The following SUCLG2 variants were observed in gnomAD, a reference collection of about 807,000 sequenced individuals.
SUCLG2 encodes the protein succinate-CoA ligase GDP-forming subunit beta, also known as succinate--CoA ligase [GDP-forming] subunit beta, mitochondrial.
In SUCLG2, 42 loss-of-function variants were observed where a neutral mutation model predicts 47.9. That is an observed-to-expected ratio of 0.88 (90% CI 0.69 to 1.14). SUCLG2 has a LOEUF of 1.14. Among genes scored for constraint, SUCLG2 ranks in the 50% most tolerant of loss-of-function variants. The probability of loss-of-function intolerance (pLI) is 0.00; values close to 1 mark genes in which losing one functional copy is unlikely to be tolerated. For missense variants in SUCLG2, 571 were observed against 525.9 expected (o/e 1.09, Z -0.84); for synonymous variants, 195 against 197.3 (o/e 0.99, Z 0.10).
At chr3:67,621,079 C>T (rs1486022404) in intron 1 of SUCLG2, among the ~76,000 whole-genome samples, 1 of 152,134 alleles carries the variant, frequency 6.6e-6, no homozygotes, top group Non-Finnish European at 1.5e-5. Context: ...GCTTTGAGGC[C>T]AGGTGGACTC....
At chr3:67,609,390 G>C in intron 2 of SUCLG2, 65 bp downstream of exon 2, 1 of 1,543,578 alleles carries the variant, frequency 6.5e-7, no homozygotes, top group Non-Finnish European at 8.8e-7. Flanking sequence ...TAACTAGTGG[G>C]AAGCCACTAC....
intron 2 of SUCLG2, among the ~76,000 whole-genome samples, chr3:67,573,266 A>C (rs1234860482): frequency 2.6e-5 from 4 of 152,212 alleles, no homozygotes; most frequent in Non-Finnish European, 5.9e-5. Context: ...CATGAACTCT[A>C]ATCAAAACAC....
At chr3:67,437,896 T>A (rs1307559241) in intron 9 of SUCLG2, among the ~76,000 whole-genome samples, 1 of 152,186 alleles carries the variant, frequency 6.6e-6, no homozygotes, top group African/African-American at 2.4e-5. Context: ...TTTAAGGATA[T>A]GTCCATCTTT....
intron 2 of SUCLG2, among the ~76,000 whole-genome samples, chr3:67,545,329 G>A (rs921698102): frequency 6.6e-6 from 1 of 152,146 alleles, no homozygotes; most frequent in Admixed American, 6.6e-5. Flanking sequence ...TGACATGCTG[G>A]AGTTAAGCAG....
chr3:67,428,219 A>G (rs892020374), intron 9 of SUCLG2, among the ~76,000 whole-genome samples: 1 of 152,218 alleles, frequency 6.6e-6, no homozygotes, highest in Non-Finnish European at 1.5e-5. Context: ...CACCTCATAC[A>G]GCAGGGTGCC....
chr3:67,424,536 A>T (rs547325506), intron 9 of SUCLG2, among the ~76,000 whole-genome samples: 252 of 152,294 alleles, frequency 1.7e-3, no homozygotes, highest in Admixed American at 2.4e-3. Context: ...CCCGGGCTCA[A>T]CATACTAGCT....
At chr3:67,387,999 T>C (rs77010381) in intron 10 of SUCLG2, among the ~76,000 whole-genome samples, 6,113 of 151,770 alleles carry the variant, frequency 0.04, 244 homozygotes, top group South Asian at 0.17. Context: ...CATAAGACAA[T>C]ATCTATAAAA....
chr3:67,562,635 G>C (rs2107218906), intron 2 of SUCLG2, among the ~76,000 whole-genome samples: 1 of 152,302 alleles, frequency 6.6e-6, no homozygotes, highest in East Asian at 1.9e-4. Context: ...TAAAGATGCA[G>C]CACGATGGTT....
intron 9 of SUCLG2, among the ~76,000 whole-genome samples, chr3:67,458,389 C>T (rs941266244): frequency 9.2e-5 from 14 of 152,114 alleles, no homozygotes; most frequent in Non-Finnish European, 1.8e-4. Context: ...ATTTGAATAA[C>T]GCCTCCTATA....
At chr3:67,467,768 G>C (rs1267308904) in intron 9 of SUCLG2, among the ~76,000 whole-genome samples, 1 of 151,806 alleles carries the variant, frequency 6.6e-6, no homozygotes, top group Non-Finnish European at 1.5e-5. Context: ...CTGCTGAGTT[G>C]TTTCTATTAA....
At chr3:67,524,842 C>T (rs1706212564) in intron 4 of SUCLG2, among the ~76,000 whole-genome samples, 1 of 152,112 alleles carries the variant, frequency 6.6e-6, no homozygotes, top group African/African-American at 2.4e-5. Flanking sequence ...TTTCTTTGGC[C>T]TCATAAATCT....
intron 9 of SUCLG2, among the ~76,000 whole-genome samples, chr3:67,433,340 T>C (rs1270962351): frequency 6.6e-6 from 1 of 152,232 alleles, no homozygotes; most frequent in Non-Finnish European, 1.5e-5. Context: ...GGTTTATTTT[T>C]TCATTCCATT....
chr3:67,405,768 A>G (rs922088985), intron 9 of SUCLG2, among the ~76,000 whole-genome samples: 1 of 152,238 alleles, frequency 6.6e-6, no homozygotes, highest in Non-Finnish European at 1.5e-5. Flanking sequence ...CAAAGTGTAC[A>G]TAATCCTCTA....
chr3:67,603,573 T>A (rs890736157), intron 2 of SUCLG2, among the ~76,000 whole-genome samples: 1 of 152,222 alleles, frequency 6.6e-6, no homozygotes, highest in African/African-American at 2.4e-5. Context: ...CAGAGAAGAT[T>A]AATTTCTCCA....
At chr3:67,461,543 C>T (rs1285646934) in intron 9 of SUCLG2, among the ~76,000 whole-genome samples, 1 of 151,146 alleles carries the variant, frequency 6.6e-6, no homozygotes, top group Non-Finnish European at 1.5e-5. Context: ...AAAGGAGGAC[C>T]TTCCATCTAG....
chr3:67,380,794 T>A (rs776738681), intron 10 of SUCLG2, among the ~76,000 whole-genome samples: 1 of 151,146 alleles, frequency 6.6e-6, no homozygotes, highest in Admixed American at 6.6e-5. Flanking sequence ...AAAAGACAGG[T>A]AGAGAATAAG....
intron 9 of SUCLG2, among the ~76,000 whole-genome samples, chr3:67,411,522 C>T (rs1702933246): frequency 6.6e-6 from 1 of 151,912 alleles, no homozygotes; most frequent in African/African-American, 2.4e-5. Flanking sequence ...ACATAAGATT[C>T]CAGCTATGAT....
chr3:67,567,410 C>G (rs1413470722), intron 2 of SUCLG2, among the ~76,000 whole-genome samples: 1 of 151,802 alleles, frequency 6.6e-6, no homozygotes, highest in Admixed American at 6.6e-5. Flanking sequence ...GTCCTCCTGT[C>G]TCAGCCTCCC....
At position 67,552,730 on chromosome 3, in the gene SUCLG2, T is replaced by G. The variant is rs569292464; in HGVS notation, c.227-23544A>C. Among the ~76,000 whole-genome samples the G allele has an allele frequency of 9.2e-5, 14 of 152,324 alleles. No individual in the cohort carries two copies. The South Asian group carries it at 2.1e-3, about 23-fold the overall frequency. ...AGTATAACAATAAATATCTCATGGT[T>G]TATTGGGAGAATTCAAGGATGCAAT... On this transcript the variant is annotated intron_variant, in intron 2 of 10. Coordinates refer to ENST00000307227, the MANE Select transcript of SUCLG2 (RefSeq NM_003848.4).
Sources: allele counts gnomAD v4.1 joint callset (sites outside exome capture counted in the v4.1 genomes callset), GRCh38; gene constraint gnomAD v4.1.1; transcripts MANE v1.5; gene names NCBI Gene and HGNC (gene_info 2026-07-23, HGNC 2026-07-21).